Variants in DNAJC2 observed in about 807,000 individuals in gnomAD.
DNAJC2 encodes the protein dnaJ homolog subfamily C member 2.
Under a neutral mutation model 94.0 loss-of-function variants are expected in DNAJC2, and 32 were observed. The ratio of observed to expected loss-of-function variants is 0.34; its 90% CI spans 0.26 to 0.46. The LOEUF is 0.46. Among genes scored for constraint, DNAJC2 ranks in the 20% least tolerant of loss-of-function variants. The pLI is 1.00. For synonymous variants in DNAJC2, 210 were observed against 229.7 expected, an observed-to-expected ratio of 0.91 and a Z score of 0.77; for missense variants, 550 against 719.5, an observed-to-expected ratio of 0.76 and a Z score of 2.69.
chr7:103,328,885 T>C (rs1212017810), intron 3 of DNAJC2: 1 of 589,928 alleles, frequency 1.7e-6, no homozygotes, highest in South Asian at 1.9e-5. Context: ...ATTTGAATAA[T>C]TTTAAATGTA....
intron 10 of DNAJC2, 66 bp from the exon 11 acceptor site, chr7:103,319,910 C>T: frequency 6.5e-7 from 1 of 1,542,028 alleles, no homozygotes; most frequent in Non-Finnish European, 8.9e-7. Context: ...AATTACAAAG[C>T]TGTAATCCCA....
chr7:103,321,998 C>T lies in DNAJC2; in HGVS notation c.1017G>A (p.Lys339=), dbSNP rs754335124. ...CTTTTTTCTGGATATCTTTTTCCTT[C>T]TTTGCCAGCAATGCTTGCTGTCTGA... is the stretch of plus-strand genomic sequence containing the variant. ...EEVRQQALLA[K]KEKDIQKKAI... is the part of the protein sequence containing the mutation. Residue 339 remains lysine, a synonymous_variant, in exon 10 of 17, where the codon AAG becomes AAA. Transcript: ENST00000379263. 1.9e-6 allele frequency: 3 copies of T among 1,613,898 alleles called. No individual in the cohort carries two copies. In the East Asian group the frequency reaches 6.7e-5, roughly 36 times the overall value.
rs544722627 is a variant in DNAJC2, at chr7:103,330,080, C to A, written c.332-2326G>T. Among the ~76,000 whole-genome samples the A allele has an allele frequency of 7.9e-5, 12 of 152,288 alleles. No homozygotes were observed. The South Asian group carries it at 2.5e-3, about 32-fold the overall frequency. On this transcript the variant is annotated intron_variant, in intron 3 of 16. Transcript: ENST00000379263. ...TCAAAGTAGGGAATTAACTACATTT[C>A]TTTTCAAAATTCTTATCAAAACGGA...
chr7:103,321,936 C>T lies in DNAJC2; in HGVS notation c.1079G>A (p.Cys360Tyr). ...TGTTTGTTCAGTCTGATATACCTTG[C>T]ATGAGTTTCGAAGTTTTTGCCTTTC... ...KKERQKLRNSCKTWNHFSDNE... is the reference protein window; with the variant it reads ...KKERQKLRNSYKTWNHFSDNE... The change falls in exon 10 of 17, where the codon TGC (cysteine) becomes TAC (tyrosine). Residue 360 changes from cysteine (C) to tyrosine (Y), a missense_variant. By Grantham distance (194) the Cys-to-Tyr change is radical. This residue lies in a region of DNAJC2 where 279 missense variants were observed against 416.9 expected (regional missense o/e 0.67). Coordinates refer to ENST00000379263, the MANE Select transcript of DNAJC2 (RefSeq NM_014377.3). 6.2e-7 allele frequency: 1 copy of T among 1,613,258 alleles called. No homozygotes were observed. The highest frequency in any genetic ancestry group is 8.5e-7 in the Non-Finnish European group (1 of 1,179,510).
intron 15 of DNAJC2, 165 bp from the exon 16 acceptor site, chr7:103,313,266 A>C: frequency 7.4e-7 from 1 of 1,348,674 alleles, no homozygotes; most frequent in Non-Finnish European, 9.5e-7. Flanking sequence ...AGTGTTAATA[A>C]GAGAAAAAAT....
chr7:103,323,561 A>G (rs150418304), intron 7 of DNAJC2, 37 bp downstream of exon 7: 43,961 of 1,427,018 alleles, frequency 0.031, 782 homozygotes, highest in Non-Finnish European at 0.033. Flanking sequence ...AGAGAACCAA[A>G]TAAATACCTT....
intron 2 of DNAJC2, among the ~76,000 whole-genome samples, chr7:103,338,814 G>C (rs969049440): frequency 2.0e-5 from 3 of 152,042 alleles, no homozygotes; most frequent in Admixed American, 1.3e-4. Flanking sequence ...GGAGGCTGAG[G>C]CAAGATAATT....
At position 103,325,459 on chromosome 7, in the gene DNAJC2, A is replaced by C. The variant is rs563270175; in HGVS notation, c.573-897T>G. Among the ~76,000 whole-genome samples, 10 of 151,916 alleles carry C rather than the reference A, an allele frequency of 6.6e-5. 1 individual carries two copies. The South Asian group carries it at 2.1e-3, about 32-fold the overall frequency. On this transcript the variant is annotated intron_variant, in intron 5 of 16. Transcript: ENST00000379263. ...CTCAAAATAAAAAAGGAAAAAAAAA[A>C]AACCAAAAAACAGGTGAAATCCAAG...
chr7:103,335,550 T>TTTA (rs1197031127), intron 3 of DNAJC2: 1 of 151,758 alleles, frequency 6.6e-6, no homozygotes, highest in Non-Finnish European at 1.5e-5. Flanking sequence ...TTTTTTTTTT[T>TTTA]TTAATGAGAC....
At chr7:103,342,610 A>ATT (rs1216827265) in intron 1 of DNAJC2, among the ~76,000 whole-genome samples, 6 of 136,434 alleles carry the variant, frequency 4.4e-5, no homozygotes, top group Non-Finnish European at 3.2e-5. Context: ...CACCTGGACA[A>ATT]TTTTTTTTTT....
chr7:103,331,314 A>G (rs1442605395), intron 3 of DNAJC2, among the ~76,000 whole-genome samples: 1 of 152,220 alleles, frequency 6.6e-6, no homozygotes, highest in Non-Finnish European at 1.5e-5. Flanking sequence ...AAGTCAGGGT[A>G]TTTGGGTATC....
chr7:103,335,409 A>AT (rs1168028133), intron 3 of DNAJC2: 1 of 152,218 alleles, frequency 6.6e-6, no homozygotes, highest in Admixed American at 6.5e-5. Flanking sequence ...GACTGACGGA[A>AT]TATTCCACAA....
intron 6 of DNAJC2, 79 bp downstream of exon 6, chr7:103,324,402 AT>A: frequency 1.6e-6 from 2 of 1,248,856 alleles, no homozygotes; most frequent in Non-Finnish European, 2.1e-6. Context: ...ATCTGAATTA[AT>A]TTATAAACAA....
At chr7:103,330,515 C>T (rs1185213965) in intron 3 of DNAJC2, among the ~76,000 whole-genome samples, 2 of 152,082 alleles carry the variant, frequency 1.3e-5, no homozygotes, top group Admixed American at 6.6e-5. Flanking sequence ...TGCAGTGGCA[C>T]AGTCTCAGCT....
intron 7 of DNAJC2, 22 bp downstream of exon 7, chr7:103,323,573 CATT>C: frequency 2.8e-6 from 4 of 1,434,952 alleles, no homozygotes; most frequent in Non-Finnish European, 3.7e-6. Context: ...AAATACCTTC[CATT>C]ATTAATGATT....
chr7:103,333,750 G>A (rs568045854), intron 3 of DNAJC2, among the ~76,000 whole-genome samples: 1 of 152,178 alleles, frequency 6.6e-6, no homozygotes, highest in Non-Finnish European at 1.5e-5. Context: ...GTAACTTACA[G>A]TATGCCTATG....
chr7:103,331,882 C>T (rs1015640838), intron 3 of DNAJC2, among the ~76,000 whole-genome samples: 6 of 152,130 alleles, frequency 3.9e-5, no homozygotes, highest in African/African-American at 1.2e-4. Context: ...GTAGTGGGAA[C>T]GCTGGGCTAT....
chr7:103,320,136 TGGA>T (rs1438571890), intron 10 of DNAJC2, among the ~76,000 whole-genome samples: 1 of 152,188 alleles, frequency 6.6e-6, no homozygotes, highest in African/African-American at 2.4e-5. Context: ...TCGCCCAGGC[TGGA>T]GTCCAGTGGC....
At chr7:103,327,263 G>A in intron 4 of DNAJC2, 1 of 833,698 alleles carries the variant, frequency 1.2e-6, no homozygotes, top group Non-Finnish European at 1.7e-6. Flanking sequence ...GAACAGTTTA[G>A]TCCCATAAAG....
Sources: allele counts gnomAD v4.1 joint callset (sites outside exome capture counted in the v4.1 genomes callset), GRCh38; gene constraint gnomAD v4.1.1; regional missense constraint gnomAD v4.1.1; transcripts MANE v1.5; gene names NCBI Gene and HGNC (gene_info 2026-07-23, HGNC 2026-07-21).